Variants in SBF2 observed in about 807,000 individuals in gnomAD.
The protein encoded by SBF2 is myotubularin-related protein 13.
In SBF2, 112 loss-of-function variants were observed where a neutral mutation model predicts 225.2. That is an observed-to-expected ratio of 0.50 (90% CI 0.43 to 0.58). The LOEUF (loss-of-function observed/expected upper bound fraction) is 0.58. Ranked by LOEUF, SBF2 falls within the 20% of genes least tolerant of loss-of-function variation. The pLI is 0.00. For missense variants in SBF2, 1,996 were observed against 2,206.2 expected, an observed-to-expected ratio of 0.90 and a Z score of 1.91; for synonymous variants, 763 against 773.3, an observed-to-expected ratio of 0.99 and a Z score of 0.22.
At chr11:9,904,977 G>C (rs1862010789) in intron 16 of SBF2, among the ~76,000 whole-genome samples, 1 of 152,212 alleles carries the variant, frequency 6.6e-6, no homozygotes, top group South Asian at 2.1e-4. Flanking sequence ...AGCCATGATT[G>C]TATCACGTGG....
chr11:9,804,315 G>A (rs548716631), intron 32 of SBF2, among the ~76,000 whole-genome samples: 1 of 152,254 alleles, frequency 6.6e-6, no homozygotes, highest in South Asian at 2.1e-4. Flanking sequence ...AGACCTACAA[G>A]TACTTTCTGG....
At chr11:10,195,556 G>A (rs980730193) in intron 1 of SBF2, among the ~76,000 whole-genome samples, 2 of 152,108 alleles carry the variant, frequency 1.3e-5, no homozygotes, top group Non-Finnish European at 2.9e-5. Context: ...TCTTCACAAC[G>A]AATTCATTTT....
At chr11:9,803,851 G>GA (rs943770466) in intron 32 of SBF2, among the ~76,000 whole-genome samples, 2 of 151,234 alleles carry the variant, frequency 1.3e-5, no homozygotes, top group African/African-American at 2.5e-5. Flanking sequence ...TTGAAAGATG[G>GA]AAAATAGAAG....
chr11:9,871,470 C>CTGATTATTA (rs1858730885), intron 17 of SBF2, among the ~76,000 whole-genome samples: 1 of 136,944 alleles, frequency 7.3e-6, no homozygotes, highest in African/African-American at 2.7e-5. Flanking sequence ...CAGGATGACG[C>CTGATTATTA]TTATTATTAT....
intron 2 of SBF2, among the ~76,000 whole-genome samples, chr11:10,064,414 A>G (rs922540323): frequency 8.5e-5 from 13 of 152,182 alleles, no homozygotes; most frequent in African/African-American, 1.7e-4. Context: ...AATAAAGGGT[A>G]AAAAGGACCA....
intron 12 of SBF2, among the ~76,000 whole-genome samples, chr11:9,991,214 T>C (rs1947418553): frequency 6.6e-6 from 1 of 152,206 alleles, no homozygotes; most frequent in South Asian, 2.1e-4. Flanking sequence ...AGAGAATCAA[T>C]GACCAATAAT....
At chr11:9,942,917 A>AAGAGAGAGAGAG (rs1865355599) in intron 16 of SBF2, among the ~76,000 whole-genome samples, 1 of 72,064 alleles carries the variant, frequency 1.4e-5, no homozygotes, top group Non-Finnish European at 4.1e-5. Flanking sequence ...GAAAGAAAGA[A>AAGAGAGAGAGAG]AGAAAGAAAG....
At chr11:10,061,617 C>G (rs1342097741) in intron 2 of SBF2, among the ~76,000 whole-genome samples, 1 of 151,700 alleles carries the variant, frequency 6.6e-6, no homozygotes, top group Non-Finnish European at 1.5e-5. Context: ...ATAAAATACA[C>G]AGGAATACAG....
At chr11:9,964,778 TAGA>T (rs1371711773) in intron 14 of SBF2, among the ~76,000 whole-genome samples, 1 of 152,174 alleles carries the variant, frequency 6.6e-6, no homozygotes, top group Admixed American at 6.5e-5. Context: ...AAAATAATAT[TAGA>T]AGGATATAAA....
intron 3 of SBF2, among the ~76,000 whole-genome samples, chr11:10,038,399 T>C (rs1949527782): frequency 6.6e-6 from 1 of 152,060 alleles, no homozygotes; most frequent in Non-Finnish European, 1.5e-5. Context: ...TAATTTATCA[T>C]AAGCACTACA....
At chr11:9,947,849 T>C (rs1865653569) in intron 16 of SBF2, among the ~76,000 whole-genome samples, 1 of 152,144 alleles carries the variant, frequency 6.6e-6, no homozygotes. Flanking sequence ...TGTAAAATGA[T>C]GCAGCTACTA....
chr11:10,057,169 A>G (rs1361614658), intron 2 of SBF2, among the ~76,000 whole-genome samples: 1 of 152,040 alleles, frequency 6.6e-6, no homozygotes, highest in Non-Finnish European at 1.5e-5. Context: ...AGCATACTGT[A>G]GCAGCCCTAT....
At chr11:9,855,225 G>T (rs959174795) in intron 19 of SBF2, among the ~76,000 whole-genome samples, 3 of 152,152 alleles carry the variant, frequency 2.0e-5, no homozygotes, top group African/African-American at 4.8e-5. Flanking sequence ...TATATGGGTG[G>T]GGGTAAGAGA....
At chr11:9,883,283 C>A (rs1859980210) in intron 17 of SBF2, among the ~76,000 whole-genome samples, 1 of 150,290 alleles carries the variant, frequency 6.7e-6, no homozygotes, top group Admixed American at 6.6e-5. Context: ...CCATCTATTG[C>A]TGTGTGGAAA....
At chr11:9,941,817 G>A (rs1221439136) in intron 16 of SBF2, among the ~76,000 whole-genome samples, 1 of 152,006 alleles carries the variant, frequency 6.6e-6, no homozygotes, top group Non-Finnish European at 1.5e-5. Context: ...ATAACGTTTA[G>A]AAAGTGAGGT....
chr11:9,784,974 A>G, intron 37 of SBF2, 151 bp downstream of exon 37: 4 of 747,822 alleles, frequency 5.3e-6, no homozygotes, highest in Non-Finnish European at 8.9e-6. Context: ...TTTTCAAAGA[A>G]ACATCTAAAA....
chr11:10,252,214 G>A (rs1288424426), intron 1 of SBF2, among the ~76,000 whole-genome samples: 1 of 152,166 alleles, frequency 6.6e-6, no homozygotes, highest in East Asian at 1.9e-4. Context: ...GACCAAATAA[G>A]TACATTTACA....
chr11:9,782,874 G>GAAAAAAAA (rs56057774), intron 38 of SBF2, among the ~76,000 whole-genome samples: 6 of 114,794 alleles, frequency 5.2e-5, no homozygotes, highest in East Asian at 2.5e-4. Context: ...TGTCTCAAAA[G>GAAAAAAAA]AAAAAAAAAA....
rs548281907 is a variant in SBF2, at chr11:10,066,847, CAA to C, written c.142-23868_142-23867del. On this transcript the variant is annotated intron_variant, in intron 2 of 39. Transcript: ENST00000256190. ...AAAAATCTACAAAGAGTGGACTCTA[CAA>C]AGAGTGTCTAGAACAAATAAGTTTA... 1.5e-4 allele frequency among the ~76,000 whole-genome samples: 23 copies of C among 152,270 alleles called. No individual in the cohort carries two copies. The East Asian group carries it at 4.2e-3, about 28-fold the overall frequency.
Sources: allele counts gnomAD v4.1 joint callset (sites outside exome capture counted in the v4.1 genomes callset), GRCh38; gene constraint gnomAD v4.1.1; transcripts MANE v1.5; gene names NCBI Gene and HGNC (gene_info 2026-07-23, HGNC 2026-07-21).